Variants in CTNNA3 observed in about 807,000 individuals in gnomAD.
CTNNA3 encodes the protein catenin alpha 3, also known as catenin alpha-3.
CTNNA3 carries 76 observed loss-of-function variants against 95.7 expected under a neutral mutation model. That is an observed-to-expected ratio of 0.79 (90% CI 0.66 to 0.96). The LOEUF is 0.96. Ranked by LOEUF, CTNNA3 falls within the 40% of genes least tolerant of loss-of-function variation. The probability of loss-of-function intolerance (pLI) is 0.00; values close to 1 mark genes in which losing one functional copy is unlikely to be tolerated. For missense variants in CTNNA3, 1,191 were observed against 1,089.8 expected (o/e 1.09, Z -1.31); for synonymous variants, 431 against 374.4 (o/e 1.15, Z -1.74).
intron 7 of CTNNA3, among the ~76,000 whole-genome samples, chr10:66,897,567 G>T (rs563642451): frequency 6.6e-6 from 1 of 152,056 alleles, no homozygotes; most frequent in Admixed American, 6.5e-5. Flanking sequence ...TAACTTGATT[G>T]TATACTCCTG....
chr10:67,057,691 G>T (rs1413800229), intron 7 of CTNNA3, among the ~76,000 whole-genome samples: 1 of 151,968 alleles, frequency 6.6e-6, no homozygotes, highest in Non-Finnish European at 1.5e-5. Context: ...TGCTGAACTG[G>T]GTCCTCAGCC....
intron 14 of CTNNA3, among the ~76,000 whole-genome samples, chr10:66,100,295 G>A (rs1464899369): frequency 6.6e-6 from 1 of 152,128 alleles, no homozygotes; most frequent in African/African-American, 2.4e-5. Context: ...GCTCTATGTG[G>A]GGTTCGTGCC....
chr10:67,758,747 T>C (rs887935240), intron 1 of CTNNA3, among the ~76,000 whole-genome samples: 3 of 137,924 alleles, frequency 2.2e-5, no homozygotes, highest in African/African-American at 8.0e-5. Context: ...ATAAGCTTAT[T>C]CTGCCCTTCG....
intron 11 of CTNNA3, among the ~76,000 whole-genome samples, chr10:66,419,355 G>T (rs1018332202): frequency 6.6e-6 from 1 of 151,880 alleles, no homozygotes; most frequent in African/African-American, 2.4e-5. Flanking sequence ...ATCTCTACAA[G>T]GAAAACTATA....
intron 3 of CTNNA3, among the ~76,000 whole-genome samples, chr10:67,600,394 C>T (rs915766269): frequency 6.6e-6 from 1 of 151,848 alleles, no homozygotes; most frequent in Admixed American, 6.6e-5. Flanking sequence ...AAATTAAGAA[C>T]TTCTGAATAT....
chr10:66,453,149 A>G (rs4603199), intron 11 of CTNNA3, among the ~76,000 whole-genome samples: 57,718 of 151,122 alleles, frequency 0.38, 11,589 homozygotes, highest in African/African-American at 0.5. Context: ...CCTGGGAGGC[A>G]GAGGTTGCAG....
At chr10:66,119,446 A>G (rs945895073) in intron 13 of CTNNA3, among the ~76,000 whole-genome samples, 11 of 152,182 alleles carry the variant, frequency 7.2e-5, no homozygotes, top group African/African-American at 2.7e-4. Flanking sequence ...GTTATAGCTT[A>G]GTGCTAAAGT....
At chr10:67,251,692 G>A (rs367791744) in intron 5 of CTNNA3, among the ~76,000 whole-genome samples, 13 of 152,160 alleles carry the variant, frequency 8.5e-5, no homozygotes, top group Admixed American at 6.5e-5. Context: ...AGCACTTAAA[G>A]AGGCCAGGTC....
chr10:67,259,841 GTTTCC>G (rs1314535364), intron 5 of CTNNA3, among the ~76,000 whole-genome samples: 9 of 152,118 alleles, frequency 5.9e-5, no homozygotes, highest in Non-Finnish European at 1.3e-4. Context: ...AGCACAGGCA[GTTTCC>G]TGTAAAGTGT....
chr10:67,210,502 G>C (rs775193980), intron 6 of CTNNA3, among the ~76,000 whole-genome samples: 3 of 152,154 alleles, frequency 2.0e-5, no homozygotes, highest in Middle Eastern at 6.8e-3. Flanking sequence ...AATACAACCT[G>C]ATGCTTTGAT....
chr10:66,625,276 A>G (rs1226729161), intron 9 of CTNNA3, among the ~76,000 whole-genome samples: 3 of 152,064 alleles, frequency 2.0e-5, no homozygotes, highest in Admixed American at 6.6e-5. Flanking sequence ...TTATTGCCCT[A>G]TTTGGGCTCT....
chr10:66,045,574 G>T (rs1016154724), intron 15 of CTNNA3, among the ~76,000 whole-genome samples: 1 of 152,096 alleles, frequency 6.6e-6, no homozygotes, highest in Non-Finnish European at 1.5e-5. Context: ...ATAATAGAAG[G>T]TGCTCTAACT....
intron 7 of CTNNA3, among the ~76,000 whole-genome samples, chr10:66,855,952 T>G (rs1843668589): frequency 6.6e-6 from 1 of 151,960 alleles, no homozygotes; most frequent in Non-Finnish European, 1.5e-5. Context: ...TTATTTTGAG[T>G]TCAGTGGTAC....
At chr10:67,582,073 G>C (rs1180960407) in intron 3 of CTNNA3, among the ~76,000 whole-genome samples, 1 of 149,214 alleles carries the variant, frequency 6.7e-6, no homozygotes, top group Non-Finnish European at 1.5e-5. Context: ...GTTCTGCTCT[G>C]ATCTTAGTTA....
At chr10:66,553,905 A>G (rs1842308308) in intron 10 of CTNNA3, among the ~76,000 whole-genome samples, 2 of 152,094 alleles carry the variant, frequency 1.3e-5, no homozygotes, top group South Asian at 4.1e-4. Flanking sequence ...TGCCAAGCTG[A>G]ATTATAGGCT....
chr10:67,075,170 G>GCACACATACA (rs1554913440), intron 7 of CTNNA3, among the ~76,000 whole-genome samples: 1 of 149,640 alleles, frequency 6.7e-6, no homozygotes, highest in African/African-American at 2.5e-5. Context: ...AAGGATTTCT[G>GCACACATACA]CACACACACA....
intron 13 of CTNNA3, among the ~76,000 whole-genome samples, chr10:66,224,326 T>C (rs2131988969): frequency 6.6e-6 from 1 of 152,314 alleles, no homozygotes; most frequent in East Asian, 1.9e-4. Context: ...AACAAAGATT[T>C]ATCCAGTGGA....
chr10:67,573,457 A>C (rs1285448421), intron 3 of CTNNA3, among the ~76,000 whole-genome samples: 5 of 152,156 alleles, frequency 3.3e-5, no homozygotes, highest in African/African-American at 1.2e-4. Flanking sequence ...CCTTGAAATC[A>C]GACTATGAGA....
At chr10:65,936,753 T>C (rs1002965545) in intron 17 of CTNNA3, among the ~76,000 whole-genome samples, 1 of 152,078 alleles carries the variant, frequency 6.6e-6, no homozygotes, top group Non-Finnish European at 1.5e-5. Flanking sequence ...CAAGTGACCA[T>C]GGATGATTTA....
Sources: allele counts gnomAD v4.1 joint callset (sites outside exome capture counted in the v4.1 genomes callset), GRCh38; gene constraint gnomAD v4.1.1; transcripts MANE v1.5; gene names NCBI Gene and HGNC (gene_info 2026-07-23, HGNC 2026-07-21).